RBFOX2: variants seen among roughly 807,000 people sequenced by gnomAD.
The protein encoded by RBFOX2 is RNA binding protein fox-1 homolog 2.
RBFOX2 carries 10 observed loss-of-function variants against 49.1 expected under a neutral mutation model. The observed-to-expected ratio is 0.20, with a 90% CI of 0.13 to 0.35. The LOEUF is 0.35. Ranked by LOEUF, RBFOX2 falls within the 10% of genes least tolerant of loss-of-function variation. RBFOX2 has a pLI of 1.00. For synonymous variants in RBFOX2, 183 were observed against 187.4 expected (o/e 0.98, Z 0.19); for missense variants, 323 against 486.9 (o/e 0.66, Z 3.17).
chr22:35,751,054 A>G lies in RBFOX2; in HGVS notation c.888-4493T>C, dbSNP rs570665678. On this transcript the variant is annotated intron_variant, in intron 9 of 11. Transcript: ENST00000405409. ...TTTATGATGTTGCCACGTTGACCAC[A>G]TGATCTTTCGGCACAGTTCTGTAGC... is the stretch of plus-strand genomic sequence containing the variant. Among the ~76,000 whole-genome samples the G allele has an allele frequency of 2.6e-5, 4 of 151,886 alleles. No individual in the cohort carries two copies. The South Asian group carries it at 8.3e-4, about 31-fold the overall frequency.
At chr22:35,900,026 G>C (rs940192738) in intron 1 of RBFOX2, among the ~76,000 whole-genome samples, 1 of 152,170 alleles carries the variant, frequency 6.6e-6, no homozygotes, top group African/African-American at 2.4e-5. Context: ...AAAAATGCTG[G>C]ATTTTGCAAT....
chr22:36,001,925 G>A (rs930008933), intron 1 of RBFOX2, among the ~76,000 whole-genome samples: 6 of 152,038 alleles, frequency 3.9e-5, no homozygotes, highest in Non-Finnish European at 8.8e-5. Flanking sequence ...TTAGCCAGGC[G>A]TGGTGGCAGG....
At chr22:35,846,691 G>A (rs1375670491) in intron 1 of RBFOX2, among the ~76,000 whole-genome samples, 3 of 152,024 alleles carry the variant, frequency 2.0e-5, no homozygotes, top group East Asian at 1.9e-4. Context: ...GGAGGCAGAC[G>A]TTGCAGTGAG....
intron 1 of RBFOX2, among the ~76,000 whole-genome samples, chr22:35,853,376 T>C (rs1044591640): frequency 2.6e-5 from 4 of 151,908 alleles, no homozygotes; most frequent in African/African-American, 9.7e-5. Flanking sequence ...TGAAATTATA[T>C]AGGGGTATGC....
intron 1 of RBFOX2, among the ~76,000 whole-genome samples, chr22:36,027,119 G>A (rs1440992093): frequency 1.3e-5 from 2 of 152,016 alleles, no homozygotes; most frequent in Admixed American, 6.6e-5. Context: ...AACAAGCTGG[G>A]ACTTGAATCT....
At chr22:35,800,579 T>C (rs977266035) in intron 2 of RBFOX2, among the ~76,000 whole-genome samples, 9 of 152,170 alleles carry the variant, frequency 5.9e-5, no homozygotes, top group African/African-American at 1.9e-4. Flanking sequence ...CTCTTCCCAC[T>C]ACCATCTATG....
chr22:35,797,214 A>C (rs1409360959), intron 2 of RBFOX2, among the ~76,000 whole-genome samples: 2 of 152,124 alleles, frequency 1.3e-5, no homozygotes, highest in Non-Finnish European at 1.5e-5. Context: ...TTTGAAATAC[A>C]TATATAGGGG....
At chr22:35,977,511 G>A (rs2057230554) in intron 1 of RBFOX2, among the ~76,000 whole-genome samples, 1 of 151,824 alleles carries the variant, frequency 6.6e-6, no homozygotes, top group African/African-American at 2.4e-5. Context: ...CAAAATCATA[G>A]GAACAGAAAT....
chr22:35,802,913 G>A (rs1299253702), intron 2 of RBFOX2, among the ~76,000 whole-genome samples: 2 of 152,152 alleles, frequency 1.3e-5, no homozygotes, highest in Admixed American at 6.5e-5. Context: ...AACTTTCCAT[G>A]CACTTCCCAA....
At chr22:35,982,047 C>A (rs1293470910) in intron 1 of RBFOX2, among the ~76,000 whole-genome samples, 1 of 152,154 alleles carries the variant, frequency 6.6e-6, no homozygotes, top group Non-Finnish European at 1.5e-5. Flanking sequence ...GCCAATCATG[C>A]CAAGGGCTTT....
At chr22:35,835,487 C>G (rs80214261) in intron 1 of RBFOX2, among the ~76,000 whole-genome samples, 40 of 151,614 alleles carry the variant, frequency 2.6e-4, no homozygotes, top group Non-Finnish European at 4.6e-4. Flanking sequence ...CAGGGGAGAA[C>G]AGAAAACTGG....
chr22:35,926,155 T>C (rs2051611529), intron 1 of RBFOX2, among the ~76,000 whole-genome samples: 2 of 152,260 alleles, frequency 1.3e-5, no homozygotes, highest in South Asian at 4.1e-4. Flanking sequence ...TGCCAGTGAC[T>C]GTCTGTTGAA....
chr22:35,903,672 C>T (rs933902765), intron 1 of RBFOX2, among the ~76,000 whole-genome samples: 3 of 152,160 alleles, frequency 2.0e-5, no homozygotes, highest in African/African-American at 7.2e-5. Flanking sequence ...CCTGGTACTA[C>T]CTGACAATTA....
At chr22:35,792,490 T>C (rs1013648960) in intron 2 of RBFOX2, among the ~76,000 whole-genome samples, 4 of 152,142 alleles carry the variant, frequency 2.6e-5, no homozygotes, top group African/African-American at 9.7e-5. Flanking sequence ...ATCTAAATGA[T>C]TTAAATTTGA....
chr22:35,919,397 G>A (rs1260239242), intron 1 of RBFOX2, among the ~76,000 whole-genome samples: 1 of 152,192 alleles, frequency 6.6e-6, no homozygotes, highest in Non-Finnish European at 1.5e-5. Context: ...AATTAGGCAG[G>A]TGGCATGCGC....
At chr22:35,915,379 C>T (rs1227041609) in intron 1 of RBFOX2, among the ~76,000 whole-genome samples, 1 of 152,202 alleles carries the variant, frequency 6.6e-6, no homozygotes, top group African/African-American at 2.4e-5. Flanking sequence ...GGGGAGAATG[C>T]AGGAAGTGTC....
chr22:35,848,773 CTG>C (rs2041530499), intron 1 of RBFOX2, among the ~76,000 whole-genome samples: 3 of 152,166 alleles, frequency 2.0e-5, no homozygotes, highest in Admixed American at 2.0e-4. Context: ...ATTGTATTAA[CTG>C]TATTTATTTT....
chr22:35,997,732 T>A (rs2058248704), intron 1 of RBFOX2: 1 of 152,312 alleles, frequency 6.6e-6, no homozygotes, highest in Admixed American at 6.5e-5. Flanking sequence ...GGCTCACACC[T>A]ATAATCCTAG....
At chr22:35,971,912 TAAAAA>T (rs527896726) in intron 1 of RBFOX2, among the ~76,000 whole-genome samples, 2 of 56,618 alleles carry the variant, frequency 3.5e-5, no homozygotes, top group Non-Finnish European at 6.6e-5. Flanking sequence ...TTTTTCTCCC[TAAAAA>T]AAAAAAAAAA....
Sources: allele counts gnomAD v4.1 joint callset (sites outside exome capture counted in the v4.1 genomes callset), GRCh38; gene constraint gnomAD v4.1.1; transcripts MANE v1.5; gene names NCBI Gene and HGNC (gene_info 2026-07-23, HGNC 2026-07-21).